Variants in ARHGEF38 observed in about 807,000 individuals in gnomAD.
The protein encoded by ARHGEF38 is Rho guanine nucleotide exchange factor (GEF) 38.
In ARHGEF38, 79 loss-of-function variants were observed where a neutral mutation model predicts 79.9. The ratio of observed to expected loss-of-function variants is 0.99; its 90% CI spans 0.82 to 1.19. ARHGEF38 has a LOEUF of 1.19. ARHGEF38 is among the 50% of genes most tolerant of loss of function. The probability of loss-of-function intolerance (pLI) is 0.00; values close to 1 mark genes in which losing one functional copy is unlikely to be tolerated. For missense variants in ARHGEF38, 962 were observed against 907.2 expected (o/e 1.06, Z -0.78); for synonymous variants, 366 against 328.3 (o/e 1.11, Z -1.24).
chr4:105,643,280 T>C (rs1200761852), intron 5 of ARHGEF38, among the ~76,000 whole-genome samples: 1 of 152,104 alleles, frequency 6.6e-6, no homozygotes, highest in Non-Finnish European at 1.5e-5. Flanking sequence ...TTTCCCTCTT[T>C]CTGCCTCCTT....
chr4:105,602,526 C>T (rs948704161), intron 2 of ARHGEF38, among the ~76,000 whole-genome samples: 5 of 152,072 alleles, frequency 3.3e-5, no homozygotes, highest in African/African-American at 1.2e-4. Context: ...TACAAAGTGA[C>T]TAAGAAAAGG....
rs569148800 is a variant in ARHGEF38, at chr4:105,640,863, G to A, written c.675-4325G>A. Among the ~76,000 whole-genome samples the A allele has an allele frequency of 5.9e-5, 9 of 152,162 alleles. No individual in the cohort carries two copies. The South Asian group carries it at 8.3e-4, about 14-fold the overall frequency. On this transcript the variant is annotated intron_variant, in intron 5 of 13. Coordinates refer to ENST00000420470, the MANE Select transcript of ARHGEF38 (RefSeq NM_001242729.2). ...CTGAAACATTCTGATTCCTAATTATGCATTTATACCTATGTGCTTATTTCT... is the reference window on the plus strand; with the variant it reads ...CTGAAACATTCTGATTCCTAATTATACATTTATACCTATGTGCTTATTTCT...
rs560824845 is a variant in ARHGEF38, at chr4:105,627,093, T to C, written c.509-3805T>C. 1.6e-4 allele frequency among the ~76,000 whole-genome samples: 24 copies of C among 152,288 alleles called. No individual in the cohort carries two copies. The South Asian group carries it at 5.0e-3, about 32-fold the overall frequency. Reference sequence around the variant, plus strand: ...GAAGTTCAGTCTTCTCTCTCTCCCTTGGTGTCCTGTATAATTTCCTTGAAG... The same window carrying C: ...GAAGTTCAGTCTTCTCTCTCTCCCTCGGTGTCCTGTATAATTTCCTTGAAG... On this transcript the variant is annotated intron_variant, in intron 3 of 13. Coordinates refer to ENST00000420470, the MANE Select transcript of ARHGEF38 (RefSeq NM_001242729.2).
At chr4:105,601,891 A>G (rs9997296) in intron 2 of ARHGEF38, among the ~76,000 whole-genome samples, 170 of 152,232 alleles carry the variant, frequency 1.1e-3, no homozygotes, top group African/African-American at 4.0e-3. Flanking sequence ...TTAACCCTAT[A>G]TTTAATACAA....
At chr4:105,582,677 G>A (rs1006862048) in intron 1 of ARHGEF38, among the ~76,000 whole-genome samples, 2 of 152,050 alleles carry the variant, frequency 1.3e-5, no homozygotes, top group Non-Finnish European at 2.9e-5. Flanking sequence ...AAAATACTAT[G>A]TAATCTCTAA....
chr4:105,596,487 A>G (rs1002844113), intron 2 of ARHGEF38, among the ~76,000 whole-genome samples: 4 of 152,180 alleles, frequency 2.6e-5, no homozygotes, highest in African/African-American at 9.7e-5. Flanking sequence ...TATCCCTGAA[A>G]GGAGACAGGG....
intron 1 of ARHGEF38, among the ~76,000 whole-genome samples, chr4:105,557,053 C>A (rs531544759): frequency 2.0e-5 from 3 of 152,086 alleles, no homozygotes; most frequent in Admixed American, 6.6e-5. Flanking sequence ...TTCCATTCTA[C>A]TGGGAGCCAT....
chr4:105,630,922 G>A lies in ARHGEF38; in HGVS notation c.533G>A (p.Gly178Glu). The A allele has an allele frequency of 6.2e-7, 1 of 1,611,224 alleles. No individual in the cohort carries two copies. The highest frequency in any genetic ancestry group is 1.7e-4 in the Middle Eastern group (1 of 6,050). ...GGAGAAGTATTCTTGCAGATTAAAG[G>A]GCCACTGGAAGATATTTATAAAATC... ...VIGEVFLQIK[G>E]PLEDIYKIYC... is the part of the protein sequence containing the mutation. The change falls in exon 4 of 14, where the codon GGG becomes GAG. Residue 178 changes from glycine (G) to glutamate (E), a missense_variant. Coordinates refer to ENST00000420470, the MANE Select transcript of ARHGEF38 (RefSeq NM_001242729.2).
At chr4:105,646,918 T>TATTTTATA (rs1729866950) in intron 6 of ARHGEF38, among the ~76,000 whole-genome samples, 1 of 152,142 alleles carries the variant, frequency 6.6e-6, no homozygotes, top group Non-Finnish European at 1.5e-5. Flanking sequence ...ATTCAAAATG[T>TATTTTATA]ATTTTATAAT....
intron 1 of ARHGEF38, among the ~76,000 whole-genome samples, chr4:105,556,042 A>G (rs368190040): frequency 6.6e-6 from 1 of 152,210 alleles, no homozygotes; most frequent in South Asian, 2.1e-4. Context: ...CTGGAGTTGT[A>G]TAATAATAGA....
chr4:105,561,400 T>TAGAATAGAATAGAATGGAATAG (rs59437354), intron 1 of ARHGEF38, among the ~76,000 whole-genome samples: 771 of 30,198 alleles, frequency 0.026, 110 homozygotes, highest in Non-Finnish European at 0.039. Flanking sequence ...TAGAGTAGAA[T>TAGAATAGAATAGAATGGAATAG]AATAGAATAG....
intron 1 of ARHGEF38, chr4:105,561,495 GAATAGAATA>G (rs1725606368): frequency 2.1e-5 from 3 of 143,364 alleles, no homozygotes; most frequent in South Asian, 2.3e-4. Context: ...GAATAGAATA[GAATAGAATA>G]GAATAGAATA....
intron 2 of ARHGEF38, among the ~76,000 whole-genome samples, chr4:105,609,317 T>C (rs1317527806): frequency 6.6e-6 from 1 of 152,096 alleles, no homozygotes; most frequent in Non-Finnish European, 1.5e-5. Flanking sequence ...AGTGTGGATT[T>C]ATTTCTGGGC....
chr4:105,630,272 G>C (rs1729128121), intron 3 of ARHGEF38, among the ~76,000 whole-genome samples: 1 of 144,706 alleles, frequency 6.9e-6, no homozygotes, highest in Non-Finnish European at 1.5e-5. Flanking sequence ...TTTTGAGATA[G>C]AGTCTTGCTC....
rs559447460 is a variant in ARHGEF38, at chr4:105,675,380, AT to A, written c.2149-2370del. On this transcript the variant is annotated intron_variant, in intron 13 of 13. Transcript: ENST00000420470. ...ATGCGCTCTGTAAAAGGTGTTTATT[AT>A]TGCTACCACTCCATTGCTAAAGAAT... Among the ~76,000 whole-genome samples, 522 of 152,306 alleles carry A rather than the reference AT, an allele frequency of 3.4e-3. 2 individuals carry two copies. Among genetic ancestry groups the A allele is most frequent in the Non-Finnish European group, 4.5e-3 (304 of 68,010 alleles).
In ARHGEF38 at chr4:105,680,075, C is replaced by G; in HGVS notation, c.*2138C>G. 1.3e-6 allele frequency: 1 copy of G among 778,696 alleles called. No individual in the cohort carries two copies. The highest frequency in any genetic ancestry group is 1.7e-5 in the Admixed American group (1 of 57,872). The allele number at this position is 778,696 out of a possible 1,614,324, so 48.2% of individuals were successfully genotyped here. A position where few individuals can be genotyped will look rare whatever the true frequency, so the allele number is the denominator to read the frequency against. On this transcript the variant is annotated 3_prime_UTR_variant, in exon 14 of 14. Transcript: ENST00000420470. Reference sequence around the variant, plus strand: ...AATAATAGCCCTCCCTTCAGATCCACTGTAGACTTGAAGGACATCTCATTT... The same window carrying G: ...AATAATAGCCCTCCCTTCAGATCCAGTGTAGACTTGAAGGACATCTCATTT...
chr4:105,679,887 G>A lies in ARHGEF38; in HGVS notation c.*1950G>A, dbSNP rs1358510560. On this transcript the variant is annotated 3_prime_UTR_variant, in exon 14 of 14. Coordinates refer to ENST00000420470, the MANE Select transcript of ARHGEF38 (RefSeq NM_001242729.2). Reference sequence around the variant, plus strand: ...TCAACTACAGGAATGTCCAAACCACGAGGAGCCACATTGGTTGCCACCAAA... The same window carrying A: ...TCAACTACAGGAATGTCCAAACCACAAGGAGCCACATTGGTTGCCACCAAA... The A allele has an allele frequency of 8.4e-6, 12 of 1,433,104 alleles. No homozygotes were observed. The highest frequency in any genetic ancestry group is 6.8e-5 in the East Asian group (3 of 43,868). 88.8% of individuals were successfully genotyped at this position (1,433,104 alleles called of 1,614,324 possible). A position where few individuals can be genotyped will look rare whatever the true frequency, so the allele number is the denominator to read the frequency against.
intron 7 of ARHGEF38, among the ~76,000 whole-genome samples, chr4:105,649,277 C>T (rs1437491390): frequency 6.6e-6 from 1 of 152,148 alleles, no homozygotes; most frequent in Non-Finnish European, 1.5e-5. Flanking sequence ...TCATCCCAAT[C>T]CCTAATAAAT....
intron 5 of ARHGEF38, among the ~76,000 whole-genome samples, chr4:105,639,821 ACTTTT>A (rs1281464209): frequency 6.6e-6 from 1 of 151,966 alleles, no homozygotes; most frequent in East Asian, 1.9e-4. Flanking sequence ...TCAGCTCAGT[ACTTTT>A]CTTTTACAAT....
Sources: allele counts gnomAD v4.1 joint callset (sites outside exome capture counted in the v4.1 genomes callset), GRCh38; gene constraint gnomAD v4.1.1; transcripts MANE v1.5; gene names NCBI Gene and HGNC (gene_info 2026-07-23, HGNC 2026-07-21).